The following PLEKHG4 variants were observed in gnomAD, a reference collection of about 807,000 sequenced individuals.
PLEKHG4 encodes puratrophin-1.
Under a neutral mutation model 136.9 loss-of-function variants are expected in PLEKHG4, and 85 were observed. The observed-to-expected ratio is 0.62, with a 90% CI of 0.52 to 0.74. The LOEUF (loss-of-function observed/expected upper bound fraction) is 0.74. Ranked by LOEUF, PLEKHG4 falls within the 30% of genes least tolerant of loss-of-function variation. The probability of loss-of-function intolerance (pLI) is 0.00; values close to 1 mark genes in which losing one functional copy is unlikely to be tolerated. For missense variants in PLEKHG4, 1,317 were observed against 1,527.8 expected (o/e 0.86, Z 2.30); for synonymous variants, 577 against 646.9 (o/e 0.89, Z 1.64).
chr16:67,283,043 G>C (rs952223588), intron 11 of PLEKHG4, among the ~76,000 whole-genome samples, 185 bp downstream of exon 11: 1 of 152,142 alleles, frequency 6.6e-6, no homozygotes, highest in Non-Finnish European at 1.5e-5. Context: ...TCTCTGGAGA[G>C]AATCAGTGCA....
Position 67,284,684 on chromosome 16 carries a change from C to G in PLEKHG4, c.1693-29C>G. 1 of 1,611,318 alleles carries G rather than the reference C, an allele frequency of 6.2e-7. No individual in the cohort carries two copies. Among genetic ancestry groups the G allele is most frequent in the African/African-American group, 1.3e-5 (1 of 75,028 alleles). ...CCAGCAGGCTTGGCAGGATCTTCCT[C>G]TAATGCTTGTCCGGCCCTGGTGTTG... On this transcript the variant is annotated intron_variant, in intron 12 of 21. Coordinates refer to ENST00000379344, the MANE Select transcript of PLEKHG4 (RefSeq NM_001129729.3). The surrounding 1 kb of genome is among the most constrained non-coding windows in gnomAD (Gnocchi z 4.4).
chr16:67,279,150 C>G (rs1408958670), upstream of PLEKHG4: 2 of 152,216 alleles, frequency 1.3e-5, no homozygotes, highest in Non-Finnish European at 2.9e-5. Context: ...CGCACTCACC[C>G]TCGCTCACCC....
Position 67,282,089 on chromosome 16 carries a change from C to T in PLEKHG4, c.1086C>T (p.Pro362=). 1 of 1,613,632 alleles carries T rather than the reference C, an allele frequency of 6.2e-7. No homozygotes were observed. Among genetic ancestry groups the T allele is most frequent in the Non-Finnish European group, 8.5e-7 (1 of 1,179,996 alleles). ...QGAIESVKAV[P]QPMEPGEVGQ... ...CCATCGAAAGTGTGAAGGCTGTGCC[C>T]CAGCCCATGGAGCCTGGGGTGAGTG... The change falls in exon 8 of 22, where the codon CCC becomes CCT. Residue 362 remains proline (P), a synonymous_variant. Transcript: ENST00000379344.
At chr16:67,277,696 G>A (rs2036048904), upstream of PLEKHG4, 1 of 152,398 alleles carries the variant, frequency 6.6e-6, no homozygotes, top group Non-Finnish European at 1.5e-5. Context: ...GGTTTCCATG[G>A]GATACATAGA....
rs769896549 is a variant in PLEKHG4 at position 67,288,844 on chromosome 16, G to A, written c.*36G>A. 1.2e-6 allele frequency: 2 copies of A among 1,611,280 alleles called. No individual in the cohort carries two copies. The highest frequency in any genetic ancestry group is 3.3e-5 in the Admixed American group (2 of 59,782). On this transcript the variant is annotated 3_prime_UTR_variant, in exon 22 of 22. Transcript: ENST00000379344. ...GGACGAGCAGTAGATCCAGCAGCCT[G>A]CAGCTCCAAGGAACATTGCCTCTCT...
rs752462996 is a variant in PLEKHG4, at chr16:67,286,269, T to C, written c.2443-5T>C. On this transcript the variant is annotated splice_polypyrimidine_tract_variant and splice_region_variant and intron_variant, in intron 14 of 21. Coordinates refer to ENST00000379344, the MANE Select transcript of PLEKHG4 (RefSeq NM_001129729.3). ...GCACTGGGGCTGAGCCACATGTCCT[T>C]GTAGAGGGTGCAGTTTGGGATGTAC... 4 of 1,609,710 alleles carry C rather than the reference T, an allele frequency of 2.5e-6. No individual in the cohort carries two copies. The highest frequency in any genetic ancestry group is 4.5e-5 in the East Asian group (2 of 44,868).
In PLEKHG4 at chr16:67,289,421, G is replaced by T; in HGVS notation, c.*613G>T. On this transcript the variant is annotated 3_prime_UTR_variant, in exon 22 of 22. Coordinates refer to ENST00000379344, the MANE Select transcript of PLEKHG4 (RefSeq NM_001129729.3). ...TTTGGTGTCTCAGAGAAGGAGTCTA[G>T]GTCTTTGATGTGTGATTTAATCTTT... 1 of 532,004 alleles carries T rather than the reference G, an allele frequency of 1.9e-6. No homozygotes were observed. Among genetic ancestry groups the T allele is most frequent in the Non-Finnish European group, 3.4e-6 (1 of 296,708 alleles). 33.0% of individuals were successfully genotyped at this position (532,004 alleles called of 1,614,324 possible).
Position 67,288,912 on chromosome 16 carries a change from C to T in PLEKHG4, c.*104C>T. On this transcript the variant is annotated 3_prime_UTR_variant, in exon 22 of 22. Coordinates refer to ENST00000379344, the MANE Select transcript of PLEKHG4 (RefSeq NM_001129729.3). Reference sequence around the variant, plus strand: ...GGTGTGGCTGACACCTGGGCTACCTCCAACCTACATGTGCAACGCTGTTGA... The same window carrying T: ...GGTGTGGCTGACACCTGGGCTACCTTCAACCTACATGTGCAACGCTGTTGA... 7.8e-7 allele frequency: 1 copy of T among 1,284,082 alleles called. No individual in the cohort carries two copies. The highest frequency in any genetic ancestry group is 1.1e-6 in the Non-Finnish European group (1 of 896,918). The allele number at this position is 1,284,082 out of a possible 1,614,324, so 79.5% of individuals were successfully genotyped here.
chr16:67,282,706 A>C (rs2036291190), intron 10 of PLEKHG4, 36 bp from the exon 11 acceptor site: 1 of 1,613,278 alleles, frequency 6.2e-7, no homozygotes, highest in East Asian at 2.2e-5. Flanking sequence ...AGTCCATAGC[A>C]GCTCTCTTCA....
chr16:67,287,488 C>T, intron 18 of PLEKHG4: 7 of 510,532 alleles, frequency 1.4e-5, no homozygotes, highest in South Asian at 1.2e-4. Flanking sequence ...TAGCCTCTGC[C>T]TCCTGAGCTC....
In PLEKHG4 at chr16:67,280,123, A is replaced by G; in HGVS notation, c.79A>G (p.Ser27Gly). 1 of 1,613,906 alleles carries G rather than the reference A, an allele frequency of 6.2e-7. No individual in the cohort carries two copies. Among genetic ancestry groups the G allele is most frequent in the South Asian group, 1.1e-5 (1 of 91,086 alleles). ...CACCGACTGGAGATTTGCTGTGTGCAGTTTCAGGGATGCCTGGGAAGAGGA... is the reference window on the plus strand; with the variant it reads ...CACCGACTGGAGATTTGCTGTGTGCGGTTTCAGGGATGCCTGGGAAGAGGA... ...HATDWRFAVC[S>G]FRDAWEEEEP... is the part of the protein sequence containing the mutation. Residue 27 changes from serine to glycine, a missense_variant, in exon 2 of 22, where the codon AGT becomes GGT. Coordinates refer to ENST00000379344, the MANE Select transcript of PLEKHG4 (RefSeq NM_001129729.3). This position sits in a 1 kb window ranked among gnomAD's most constrained non-coding sequence, Gnocchi z 4.4.
rs757814513 is a variant in PLEKHG4, at chr16:67,286,604, G to A, written c.2692G>A (p.Val898Met). The A allele has an allele frequency of 6.4e-7, 1 of 1,561,452 alleles. No individual in the cohort carries two copies. Among genetic ancestry groups the A allele is most frequent in the Non-Finnish European group, 8.7e-7 (1 of 1,152,200 alleles). The stretch of plus-strand genomic sequence containing the variant: ...TGCGCTGCGGGAGGCCCAGAGCCTT[G>A]TGCACTTCCAGCTGCGGCACGGAAA... ...LSALREAQSL[V>M]HFQLRHGNDL... Residue 898 changes from valine to methionine, a missense_variant, in exon 16 of 22, where the codon GTG (valine) becomes ATG (methionine). Physicochemically the swap from Val to Met is conservative, Grantham distance 21. Transcript: ENST00000379344.
In PLEKHG4 at chr16:67,280,781, G is replaced by T. The variant is rs1187394036; in HGVS notation, c.570G>T (p.Leu190=). Residue 190 remains leucine (L), a synonymous_variant, in exon 3 of 22, where the codon CTG becomes CTT. Transcript: ENST00000379344. This position sits in a 1 kb window ranked among gnomAD's most constrained non-coding sequence, Gnocchi z 4.4. ...CCCAAGACCTCTGTTGGGAGCTGCT[G>T]GCCAGTGGTATGGCCACCTTGCCAG... The part of the protein sequence containing the change: ...LLAQDLCWEL[L]ASGMATLPGT... 1 of 1,614,082 alleles carries T rather than the reference G, an allele frequency of 6.2e-7. No individual in the cohort carries two copies. The highest frequency in any genetic ancestry group is 8.5e-7 in the Non-Finnish European group (1 of 1,180,042).
In PLEKHG4 at chr16:67,280,274, A is replaced by T. The variant is rs761535887; in HGVS notation, c.230A>T (p.Asp77Val). 1 of 1,613,830 alleles carries T rather than the reference A, an allele frequency of 6.2e-7. No homozygotes were observed. Among genetic ancestry groups the T allele is most frequent in the Non-Finnish European group, 8.5e-7 (1 of 1,179,986 alleles). ...AAATTCCAGTTACCCCCAGCTGCAG[A>T]TGAGTCGGGGGATGCCCAGAGGGGC... ...SRKFQLPPAA[D>V]ESGDAQRGTV... Residue 77 changes from aspartate (D) to valine (V), a missense_variant, in exon 2 of 22, where the codon GAT becomes GTT. Transcript: ENST00000379344. This position sits in a 1 kb window ranked among gnomAD's most constrained non-coding sequence, Gnocchi z 4.4.
chr16:67,281,665 G>T, intron 6 of PLEKHG4, 21 bp downstream of exon 6: 2 of 1,613,682 alleles, frequency 1.2e-6, no homozygotes, highest in Non-Finnish European at 1.7e-6. Flanking sequence ...CAGTTGGCTA[G>T]GGGTAGAGGT....
chr16:67,282,276 C>T lies in PLEKHG4; in HGVS notation c.1180C>T (p.Gln394Ter). 6.2e-7 allele frequency: 1 copy of T among 1,613,270 alleles called. No individual in the cohort carries two copies. Among genetic ancestry groups the T allele is most frequent in the South Asian group, 1.1e-5 (1 of 91,082 alleles). Residue 394 changes from glutamine to a stop codon, truncating the protein, a stop_gained, in exon 9 of 22, where the codon CAA becomes TAA. Coordinates refer to ENST00000379344, the MANE Select transcript of PLEKHG4 (RefSeq NM_001129729.3). LOFTEE classifies it high-confidence loss of function. ...AGACTCGCCATGGCTGGCATGGCTA[C>T]AATGCCAGGGGGGCCGGGAGCTGAC... Reference protein sequence around the residue: ...VLDSPWLAWLQCQGGRELTWL... With the variant: ...VLDSPWLAWL
At chr16:67,287,278 G>A (rs1022288880) in intron 18 of PLEKHG4, 101 bp downstream of exon 18, 2 of 1,260,148 alleles carry the variant, frequency 1.6e-6, no homozygotes, top group African/African-American at 1.5e-5. Flanking sequence ...GAAGTGGGGA[G>A]AAGGCCCAGC....
chr16:67,286,403 G>C (rs1017973969), intron 15 of PLEKHG4, 40 bp downstream of exon 15: 1 of 1,609,124 alleles, frequency 6.2e-7, no homozygotes, highest in Non-Finnish European at 8.5e-7. Flanking sequence ...GGGATGCGGG[G>C]AGTGCCCCCA....
At chr16:67,288,138 G>A (rs1165059054) in intron 19 of PLEKHG4, 29 bp from the exon 20 acceptor site, 2 of 1,600,628 alleles carry the variant, frequency 1.2e-6, no homozygotes, top group Non-Finnish European at 1.7e-6. Flanking sequence ...GCTCTGGCCT[G>A]TCCCAACCTG....
Sources: allele counts gnomAD v4.1 joint callset (sites outside exome capture counted in the v4.1 genomes callset), GRCh38; gene constraint gnomAD v4.1.1; non-coding constraint Gnocchi (gnomAD v3.1); transcripts MANE v1.5; gene names NCBI Gene and HGNC (gene_info 2026-07-23, HGNC 2026-07-21).